Variants in AKR1E2 observed in about 807,000 individuals in gnomAD.
The protein encoded by AKR1E2 is 1,5-anhydro-D-fructose reductase.
Under a neutral mutation model 41.9 loss-of-function variants are expected in AKR1E2, and 43 were observed. That is an observed-to-expected ratio of 1.03 (90% CI 0.80 to 1.32). The LOEUF (loss-of-function observed/expected upper bound fraction) is 1.32. Ranked by LOEUF, AKR1E2 falls within the 40% of genes most tolerant of loss-of-function variation. The pLI is 0.00. For synonymous variants in AKR1E2, 121 were observed against 138.9 expected, an observed-to-expected ratio of 0.87 and a Z score of 0.91; for missense variants, 423 against 396.5, an observed-to-expected ratio of 1.07 and a Z score of -0.57.
At chr10:4,845,112 C>G (rs1366078232) in intron 8 of AKR1E2, among the ~76,000 whole-genome samples, 1 of 152,176 alleles carries the variant, frequency 6.6e-6, no homozygotes, top group Non-Finnish European at 1.5e-5. Context: ...GCCGGTGGGC[C>G]AGCACTGCTG....
intron 4 of AKR1E2, 48 bp downstream of exon 4, chr10:4,835,857 A>G (rs1554755501): frequency 2.5e-6 from 4 of 1,606,280 alleles, no homozygotes; most frequent in Non-Finnish European, 2.5e-6. Flanking sequence ...GTGGGTCTCC[A>G]CCCAGGATGC....
At chr10:4,864,769 T>C in the AKR1E2 span, among the ~76,000 whole-genome samples, 9 of 152,314 alleles carry the variant, frequency 5.9e-5, no homozygotes, top group Admixed American at 5.2e-4. Flanking sequence ...AGTCTCAGGA[T>C]ACAAAATCAA....
At chr10:4,863,341 A>C in the AKR1E2 span, among the ~76,000 whole-genome samples, 1 of 152,258 alleles carries the variant, frequency 6.6e-6, no homozygotes, top group African/African-American at 2.4e-5. Context: ...GAAACTGAAC[A>C]ACCTGCTCCT....
intron 5 of AKR1E2, 73 bp from the exon 6 acceptor site, chr10:4,839,656 C>G: frequency 1.4e-6 from 2 of 1,384,296 alleles, no homozygotes; most frequent in Admixed American, 3.4e-5. Context: ...GACTTTGACG[C>G]AGGTCTTCTC....
intron 1 of AKR1E2, 80 bp from the exon 2 acceptor site, chr10:4,830,595 C>T: frequency 6.5e-7 from 1 of 1,531,400 alleles, no homozygotes; most frequent in Non-Finnish European, 9.0e-7. Context: ...ATTATGTTGT[C>T]CACATGCTTG....
At chr10:4,848,205 G>A (rs1834456290), downstream of AKR1E2, 2 of 151,526 alleles carry the variant, frequency 1.3e-5, no homozygotes, top group Non-Finnish European at 2.9e-5. Flanking sequence ...AGCCCCCCAA[G>A]TAGCTGGTTA....
At chr10:4,861,245 TAAGA>T in the AKR1E2 span, among the ~76,000 whole-genome samples, 1 of 152,134 alleles carries the variant, frequency 6.6e-6, no homozygotes, top group East Asian at 1.9e-4. Context: ...ATTTCAACCT[TAAGA>T]AAGAAGATTT....
At chr10:4,871,498 A>G in the AKR1E2 span, among the ~76,000 whole-genome samples, 1 of 152,216 alleles carries the variant, frequency 6.6e-6, no homozygotes, top group Non-Finnish European at 1.5e-5. Context: ...AGAACTACAA[A>G]CAAGTAAAAA....
Position 4,839,833 on chromosome 10 carries a change from A to T in AKR1E2, c.680+7A>T, listed in dbSNP as rs1291830718. ...GTCCTCTTGGTGGCTCGTGGTAAGGATACCTCAGTGGTGTGTTAGTCAGAG... is the reference window on the plus strand; with the variant it reads ...GTCCTCTTGGTGGCTCGTGGTAAGGTTACCTCAGTGGTGTGTTAGTCAGAG... On this transcript the variant is annotated splice_region_variant and intron_variant, in intron 6 of 9. Transcript: ENST00000298375. 1 of 1,612,342 alleles carries T rather than the reference A, an allele frequency of 6.2e-7. No individual in the cohort carries two copies. Among genetic ancestry groups the T allele is most frequent in the Non-Finnish European group, 8.5e-7 (1 of 1,178,474 alleles).
intron 2 of AKR1E2, among the ~76,000 whole-genome samples, chr10:4,831,786 A>G (rs1832990304): frequency 6.6e-6 from 1 of 152,250 alleles, no homozygotes; most frequent in Non-Finnish European, 1.5e-5. Context: ...GTGCCCTGTC[A>G]GGAGCTGTGC....
At chr10:4,827,237 A>G (rs1490549157) in intron 1 of AKR1E2, among the ~76,000 whole-genome samples, 1 of 152,164 alleles carries the variant, frequency 6.6e-6, no homozygotes, top group East Asian at 1.9e-4. Flanking sequence ...TAATGTTTTG[A>G]GCCGTGTATA....
At chr10:4,856,532 A>G in the AKR1E2 span, among the ~76,000 whole-genome samples, 25 of 152,242 alleles carry the variant, frequency 1.6e-4, no homozygotes, top group Admixed American at 4.6e-4. Flanking sequence ...TCTGACATCA[A>G]TAATGCACTA....
chr10:4,850,467 C>T (rs569833892), downstream of AKR1E2, among the ~76,000 whole-genome samples: 26 of 152,194 alleles, frequency 1.7e-4, no homozygotes, highest in Non-Finnish European at 3.4e-4. Context: ...GGGAGGATGG[C>T]AGGGCCTCGC....
At chr10:4,835,315 G>C (rs933807275) in intron 3 of AKR1E2, among the ~76,000 whole-genome samples, 1 of 152,226 alleles carries the variant, frequency 6.6e-6, no homozygotes, top group Admixed American at 6.5e-5. Flanking sequence ...GGAGAGGGTT[G>C]ATTGGGCTCT....
At chr10:4,827,857 C>T (rs1252669630) in intron 1 of AKR1E2, among the ~76,000 whole-genome samples, 1 of 152,176 alleles carries the variant, frequency 6.6e-6, no homozygotes, top group East Asian at 1.9e-4. Context: ...TGTTGAGTCT[C>T]TTGCTTCCCT....
chr10:4,828,600 CTT>C (rs1482688492), intron 1 of AKR1E2, among the ~76,000 whole-genome samples: 1 of 152,182 alleles, frequency 6.6e-6, no homozygotes, highest in Non-Finnish European at 1.5e-5. Context: ...CCATGAGAAA[CTT>C]TATTGGGGTT....
the AKR1E2 span, among the ~76,000 whole-genome samples, chr10:4,865,236 A>T: frequency 6.6e-6 from 1 of 152,202 alleles, no homozygotes; most frequent in Non-Finnish European, 1.5e-5. Flanking sequence ...TACGTAAAAC[A>T]GATCTTTTAA....
chr10:4,849,615 A>C (rs1184198470), downstream of AKR1E2, among the ~76,000 whole-genome samples: 2 of 152,210 alleles, frequency 1.3e-5, no homozygotes, highest in Admixed American at 1.3e-4. Context: ...TGGGGAGGGC[A>C]GGGGTGGATG....
Position 4,830,845 on chromosome 10 carries a change from A to G in AKR1E2, c.207+3A>G, listed in dbSNP as rs370214202. 137 of 1,614,024 alleles carry G rather than the reference A, an allele frequency of 8.5e-5. No individual in the cohort carries two copies. The African/African-American group carries it at 1.5e-3, about 17-fold the overall frequency. On this transcript the variant is annotated splice_donor_region_variant and intron_variant, in intron 2 of 9. Coordinates refer to ENST00000298375, the MANE Select transcript of AKR1E2 (RefSeq NM_001040177.3). The stretch of plus-strand genomic sequence containing the variant: ...AGGATCTGTTCATTGCCACTAAGGT[A>G]GGGCTTCTCTATGCAAGGCTGGCAG...
Sources: gnomAD v4.1 joint callset for allele counts (sites outside exome capture counted in the v4.1 genomes callset) on GRCh38, gnomAD v4.1.1 for gene constraint, MANE v1.5 for transcripts, NCBI Gene and HGNC (gene_info 2026-07-23, HGNC 2026-07-21) for gene names.